Variants in UHRF2 observed in about 807,000 individuals in gnomAD.
UHRF2 encodes the protein E3 ubiquitin-protein ligase UHRF2.
A neutral mutation model predicts 96.8 loss-of-function variants in UHRF2; 23 were observed. The ratio of observed to expected loss-of-function variants is 0.24; its 90% confidence interval spans 0.17 to 0.34. The LOEUF (loss-of-function observed/expected upper bound fraction) is 0.34, where lower values mean the gene tolerates loss of function less well. Ranked by LOEUF, UHRF2 falls within the 10% of genes least tolerant of loss-of-function variation. The pLI is 1.00. For missense variants in UHRF2, 685 were observed against 981.5 expected, an observed-to-expected ratio of 0.70 and a Z score of 4.04; for synonymous variants, 385 against 332.6, an observed-to-expected ratio of 1.16 and a Z score of -1.72.
intron 3 of UHRF2, among the ~76,000 whole-genome samples, chr9:6,435,536 A>AC (rs1329593659): frequency 6.6e-6 from 1 of 151,772 alleles, no homozygotes; most frequent in Non-Finnish European, 1.5e-5. Flanking sequence ...TTTTAGAACA[A>AC]CCCCCCAAAA....
At chr9:6,418,927 G>A (rs576952899) in intron 1 of UHRF2, among the ~76,000 whole-genome samples, 4 of 152,244 alleles carry the variant, frequency 2.6e-5, no homozygotes, top group East Asian at 3.9e-4. Flanking sequence ...ACACTTTGCC[G>A]GAAATTTTCT....
intron 3 of UHRF2, among the ~76,000 whole-genome samples, chr9:6,460,269 G>C (rs1051842676): frequency 6.6e-6 from 1 of 152,308 alleles, no homozygotes; most frequent in South Asian, 2.1e-4. Flanking sequence ...AGATGATTGT[G>C]GTTCTTGAAT....
intron 14 of UHRF2, among the ~76,000 whole-genome samples, chr9:6,502,315 CCTTTACATA>C (rs1330334293): frequency 4.6e-5 from 7 of 152,130 alleles, no homozygotes; most frequent in African/African-American, 1.7e-4. Flanking sequence ...TACCCCTGGG[CCTTTACATA>C]CATACTGTTA....
intron 9 of UHRF2, among the ~76,000 whole-genome samples, chr9:6,487,182 CTT>C (rs1171978950): frequency 0.023 from 1,563 of 69,340 alleles, no homozygotes; most frequent in Middle Eastern, 0.068. Flanking sequence ...TTTTTTTTTC[CTT>C]TTTTTTTTTT....
At chr9:6,502,486 C>G (rs1182983980) in intron 14 of UHRF2, among the ~76,000 whole-genome samples, 2 of 152,196 alleles carry the variant, frequency 1.3e-5, no homozygotes, top group Non-Finnish European at 2.9e-5. Flanking sequence ...GATGGGGTTA[C>G]TATGTTGCCC....
chr9:6,476,564 C>G (rs935297840), intron 5 of UHRF2, among the ~76,000 whole-genome samples: 3 of 152,042 alleles, frequency 2.0e-5, no homozygotes, highest in Non-Finnish European at 4.4e-5. Flanking sequence ...GATTCTAGGT[C>G]TTTTAATTCA....
intron 3 of UHRF2, among the ~76,000 whole-genome samples, chr9:6,440,116 C>G (rs907128715): frequency 2.0e-5 from 3 of 152,078 alleles, no homozygotes; most frequent in African/African-American, 7.2e-5. Context: ...TCTAAATTCA[C>G]AAAACTGACA....
chr9:6,452,596 G>T (rs1821938377), intron 3 of UHRF2, among the ~76,000 whole-genome samples: 1 of 152,176 alleles, frequency 6.6e-6, no homozygotes, highest in South Asian at 2.1e-4. Context: ...TTTAACTAAG[G>T]ATATAGAGTT....
intron 3 of UHRF2, among the ~76,000 whole-genome samples, chr9:6,459,014 C>T (rs1822357246): frequency 6.6e-6 from 1 of 152,064 alleles, no homozygotes; most frequent in Non-Finnish European, 1.5e-5. Context: ...GGAAGTTGAA[C>T]AATGAGAACC....
At chr9:6,492,820 G>A (rs1458514469) in intron 9 of UHRF2, 2 of 145,676 alleles carry the variant, frequency 1.4e-5, no homozygotes, top group Non-Finnish European at 3.0e-5. Flanking sequence ...GAAGTAATTG[G>A]AGAGCTTTTG....
chr9:6,497,037 G>A, intron 10 of UHRF2, 161 bp from the exon 11 acceptor site: 1 of 687,682 alleles, frequency 1.5e-6, no homozygotes, highest in Non-Finnish European at 2.3e-6. Context: ...CTTCTCTGCT[G>A]GTGGGGGAAA....
intron 9 of UHRF2, among the ~76,000 whole-genome samples, chr9:6,490,702 C>G (rs200039927): frequency 1.1e-3 from 172 of 152,242 alleles, no homozygotes; most frequent in Admixed American, 1.9e-3. Flanking sequence ...AATATACTTA[C>G]TGGTCAAACG....
intron 4 of UHRF2, among the ~76,000 whole-genome samples, chr9:6,470,048 A>AGT (rs1284302522): frequency 3.3e-5 from 5 of 152,184 alleles, no homozygotes; most frequent in African/African-American, 1.2e-4. Flanking sequence ...GCTAGGAGAC[A>AGT]GTGGAATGGC....
intron 9 of UHRF2, among the ~76,000 whole-genome samples, chr9:6,491,977 A>G (rs1824686447): frequency 6.6e-6 from 1 of 152,190 alleles, no homozygotes; most frequent in African/African-American, 2.4e-5. Context: ...AAGCAGGCCA[A>G]CTGCTTTGGC....
At chr9:6,460,267 G>A (rs1822452936) in intron 3 of UHRF2, among the ~76,000 whole-genome samples, 1 of 152,170 alleles carries the variant, frequency 6.6e-6, no homozygotes, top group Non-Finnish European at 1.5e-5. Context: ...GTAGATGATT[G>A]TGGTTCTTGA....
intron 3 of UHRF2, among the ~76,000 whole-genome samples, chr9:6,434,509 C>T (rs1428400292): frequency 2.0e-5 from 3 of 152,080 alleles, no homozygotes; most frequent in African/African-American, 7.2e-5. Flanking sequence ...CACAATCTCG[C>T]CTCACTGCAA....
chr9:6,430,407 C>G (rs1820501181), intron 2 of UHRF2, among the ~76,000 whole-genome samples: 1 of 152,066 alleles, frequency 6.6e-6, no homozygotes, highest in Admixed American at 6.6e-5. Flanking sequence ...AGTTCAACTC[C>G]TCTCCTCCCC....
At chr9:6,485,121 A>T (rs1824189841) in intron 8 of UHRF2, among the ~76,000 whole-genome samples, 1 of 152,120 alleles carries the variant, frequency 6.6e-6, no homozygotes, top group South Asian at 2.1e-4. Context: ...GGAAGATGAA[A>T]CATTTAGTTT....
intron 4 of UHRF2, among the ~76,000 whole-genome samples, chr9:6,463,799 A>T (rs1822705251): frequency 6.6e-6 from 1 of 152,056 alleles, no homozygotes; most frequent in African/African-American, 2.4e-5. Context: ...TAATGATTAG[A>T]AATCTTTCAT....
Sources: allele counts gnomAD v4.1 joint callset (sites outside exome capture counted in the v4.1 genomes callset), GRCh38; gene constraint gnomAD v4.1.1; transcripts MANE v1.5; gene names NCBI Gene and HGNC (gene_info 2026-07-23, HGNC 2026-07-21).